SNTG2: variants seen among roughly 807,000 people sequenced by gnomAD.
SNTG2 encodes the protein gamma-2-syntrophin.
SNTG2 carries 74 observed loss-of-function variants against 70.9 expected under a neutral mutation model. The ratio of observed to expected loss-of-function variants is 1.04; its 90% confidence interval spans 0.86 to 1.27. The LOEUF (loss-of-function observed/expected upper bound fraction) is 1.27. Among genes scored for constraint, SNTG2 ranks in the 50% most tolerant of loss-of-function variants. The pLI is 0.00. For synonymous variants in SNTG2, 278 were observed against 273.8 expected (o/e 1.02, Z -0.15); for missense variants, 717 against 690.7 (o/e 1.04, Z -0.43).
chr2:1,291,567 T>A (rs1679994783), intron 14 of SNTG2, among the ~76,000 whole-genome samples: 1 of 152,230 alleles, frequency 6.6e-6, no homozygotes, highest in Non-Finnish European at 1.5e-5. Flanking sequence ...TGCAAATGGA[T>A]ATCCAGTTTT....
chr2:1,200,008 G>C (rs1205604667), intron 8 of SNTG2, among the ~76,000 whole-genome samples: 3 of 151,750 alleles, frequency 2.0e-5, no homozygotes, highest in Non-Finnish European at 4.4e-5. Context: ...AGAAATAGAA[G>C]ATATAATTTT....
chr2:1,310,877 G>A (rs1406930636), intron 15 of SNTG2, among the ~76,000 whole-genome samples: 1 of 152,198 alleles, frequency 6.6e-6, no homozygotes, highest in African/African-American at 2.4e-5. Flanking sequence ...GCAAGATGGG[G>A]TTGTGAGCCC....
chr2:1,208,068 C>T (rs1673759918), intron 8 of SNTG2, among the ~76,000 whole-genome samples: 1 of 152,236 alleles, frequency 6.6e-6, no homozygotes, highest in South Asian at 2.1e-4. Context: ...AGAAAGTCTT[C>T]TTGCAGACAG....
chr2:1,113,179 C>G (rs1180461783), intron 4 of SNTG2, among the ~76,000 whole-genome samples: 2 of 151,182 alleles, frequency 1.3e-5, no homozygotes, highest in South Asian at 4.4e-4. Context: ...AGGTTTAACC[C>G]TTACAGTCCT....
At chr2:1,126,459 T>A (rs1380023202) in intron 4 of SNTG2, among the ~76,000 whole-genome samples, 2 of 152,250 alleles carry the variant, frequency 1.3e-5, no homozygotes, top group Non-Finnish European at 2.9e-5. Flanking sequence ...GGTGCAGATA[T>A]ATCTTTGACA....
intron 11 of SNTG2, among the ~76,000 whole-genome samples, chr2:1,245,985 G>A (rs545462401): frequency 1.4e-4 from 22 of 152,160 alleles, no homozygotes; most frequent in African/African-American, 4.1e-4. Context: ...AAATAAAGTC[G>A]TCCTGTGTTA....
At chr2:1,110,333 C>G (rs1360338579) in intron 4 of SNTG2, among the ~76,000 whole-genome samples, 1 of 152,162 alleles carries the variant, frequency 6.6e-6, no homozygotes, top group East Asian at 1.9e-4. Flanking sequence ...TTATTGTTCT[C>G]TAGAATTTTC....
intron 1 of SNTG2, among the ~76,000 whole-genome samples, chr2:1,022,685 A>G (rs1327438861): frequency 6.6e-6 from 1 of 152,064 alleles, no homozygotes; most frequent in Non-Finnish European, 1.5e-5. Context: ...GTACATGGCA[A>G]GTGATCAGGT....
chr2:988,035 T>C (rs1414610093), intron 1 of SNTG2, among the ~76,000 whole-genome samples: 2 of 152,174 alleles, frequency 1.3e-5, no homozygotes, highest in Non-Finnish European at 2.9e-5. Context: ...CCCGTCTTCC[T>C]CCTCATCACC....
chr2:1,117,072 A>C (rs1300737906), intron 4 of SNTG2, among the ~76,000 whole-genome samples: 1 of 101,410 alleles, frequency 9.9e-6, no homozygotes, highest in African/African-American at 3.9e-5. Context: ...TGGGTGCCCC[A>C]ATATGTGGGT....
At chr2:1,174,037 G>A (rs1215766486) in intron 8 of SNTG2, among the ~76,000 whole-genome samples, 1 of 152,222 alleles carries the variant, frequency 6.6e-6, no homozygotes, top group Admixed American at 6.5e-5. Flanking sequence ...TGTTTAAGAT[G>A]TCTGACTACT....
intron 1 of SNTG2, among the ~76,000 whole-genome samples, chr2:978,552 T>G (rs1660989535): frequency 6.6e-6 from 1 of 152,150 alleles, no homozygotes; most frequent in African/African-American, 2.4e-5. Context: ...GCTTATCAAG[T>G]AATAAGATTC....
chr2:1,185,996 A>AT (rs111803084), intron 8 of SNTG2, among the ~76,000 whole-genome samples: 20 of 152,116 alleles, frequency 1.3e-4, no homozygotes, highest in African/African-American at 2.7e-4. Flanking sequence ...CTTTTACATC[A>AT]TTTTTTTGCA....
Position 1,083,990 on chromosome 2 carries a change from A to G in SNTG2, c.210+335A>G, listed in dbSNP as rs1664516178. On this transcript the variant is annotated intron_variant, in intron 2 of 16. Coordinates refer to ENST00000308624, the MANE Select transcript of SNTG2 (RefSeq NM_018968.4). ...CAGGAGGCGGAGGTTTCAGTGAGCC[A>G]AGATCGCACCACTGCACTCCAGCCT... is the stretch of plus-strand genomic sequence containing the variant. Among the ~76,000 whole-genome samples, 3 of 151,978 alleles carry G rather than the reference A, an allele frequency of 2.0e-5. No homozygotes were observed. In the South Asian group the frequency reaches 6.2e-4, roughly 32 times the overall value.
chr2:1,324,099 G>T (rs561083744), intron 16 of SNTG2, among the ~76,000 whole-genome samples: 79 of 151,096 alleles, frequency 5.2e-4, no homozygotes, highest in Non-Finnish European at 1.0e-3. Flanking sequence ...ACATGCCTGA[G>T]ACCCCCCAGT....
At chr2:1,326,759 G>A (rs13402747) in intron 16 of SNTG2, among the ~76,000 whole-genome samples, 2,417 of 152,012 alleles carry the variant, frequency 0.016, 60 homozygotes, top group African/African-American at 0.054. Context: ...TCTTATAAAC[G>A]AATCCATTTA....
intron 6 of SNTG2, among the ~76,000 whole-genome samples, chr2:1,146,594 G>A (rs935475029): frequency 6.6e-6 from 1 of 152,164 alleles, no homozygotes; most frequent in East Asian, 1.9e-4. Flanking sequence ...AGCCAATGCA[G>A]TATTGAAGTA....
At chr2:1,188,395 T>C (rs1299793054) in intron 8 of SNTG2, among the ~76,000 whole-genome samples, 1 of 152,066 alleles carries the variant, frequency 6.6e-6, no homozygotes, top group Non-Finnish European at 1.5e-5. Context: ...AGAAATTAAA[T>C]AAATGTAAAT....
At chr2:1,222,119 C>CTCTCTGTCTCTCTCTGTCTCTCTCTG (rs1675218569) in intron 9 of SNTG2, among the ~76,000 whole-genome samples, 1 of 107,720 alleles carries the variant, frequency 9.3e-6, no homozygotes, top group South Asian at 3.0e-4. Context: ...CTCTCTGTCT[C>CTCTCTGTCTCTCTCTGTCTCTCTCTG]TCTCTGTCTC....
Sources: gnomAD v4.1 joint callset for allele counts (sites outside exome capture counted in the v4.1 genomes callset) on GRCh38, gnomAD v4.1.1 for gene constraint, MANE v1.5 for transcripts, NCBI Gene and HGNC (gene_info 2026-07-23, HGNC 2026-07-21) for gene names.